The following PTCHD1 variants were observed in gnomAD, a reference collection of about 807,000 sequenced individuals.
PTCHD1 encodes patched domain-containing protein 1.
PTCHD1 carries 3 observed loss-of-function variants against 34.6 expected under a neutral mutation model. The observed-to-expected ratio is 0.09, with a 90% confidence interval of 0.04 to 0.22. The LOEUF is 0.22. PTCHD1 is among the 10% of genes least tolerant of loss of function. The pLI is 1.00. For synonymous variants in PTCHD1, 305 were observed against 283.1 expected, an observed-to-expected ratio of 1.08 and a Z score of -0.77; for missense variants, 504 against 685.5, an observed-to-expected ratio of 0.74 and a Z score of 2.96.
chrX:23,353,521 G>A (rs1290192870), intron 1 of PTCHD1, among the ~76,000 whole-genome samples: 2 of 112,287 alleles, frequency 1.8e-5, no homozygotes, highest in African/African-American at 3.2e-5. Flanking sequence ...CTCAGGAGGC[G>A]GAGGTTGCGG....
At chrX:23,370,692 T>G (rs1303250209) in intron 1 of PTCHD1, among the ~76,000 whole-genome samples, 1 of 111,962 alleles carries the variant, frequency 8.9e-6, no homozygotes, top group Non-Finnish European at 1.9e-5. Flanking sequence ...ATTAGAAACA[T>G]AGCAAATCCT....
upstream of PTCHD1, chrX:23,334,771 C>A: frequency 4.6e-6 from 1 of 219,718 alleles, no homozygotes; most frequent in Non-Finnish European, 6.4e-6. Context: ...GCCGTCGCCG[C>A]CGCCGCGGGC....
chrX:23,388,447 G>T (rs1260708698), intron 2 of PTCHD1, among the ~76,000 whole-genome samples: 1 of 112,388 alleles, frequency 8.9e-6, no homozygotes, highest in East Asian at 2.8e-4. Context: ...CCTCTGAAAA[G>T]TATCTTCAGT....
At chrX:23,365,485 C>T (rs5970714) in intron 1 of PTCHD1, among the ~76,000 whole-genome samples, 2 of 108,739 alleles carry the variant, frequency 1.8e-5, no homozygotes, top group Admixed American at 2.0e-4. Flanking sequence ...GCAAACAGAA[C>T]GGAGCAGAGG....
chrX:23,350,059 T>C (rs1921584267), intron 1 of PTCHD1, among the ~76,000 whole-genome samples: 3 of 51,476 alleles, frequency 5.8e-5, no homozygotes, highest in Admixed American at 5.7e-4. Flanking sequence ...TTTAGTGCTG[T>C]TAAAAAAAAA....
At position 23,392,964 on chromosome X, in the gene PTCHD1, A is replaced by G; in HGVS notation, c.1446A>G (p.Leu482=). ...GEEANTYESH[L]LVCFLKRYYC... ...AAGCGAACACTTACGAGAGTCACCT[A>G]TTGGTATGTTTCCTCAAACGCTATT... The change falls in exon 3 of 3, where the codon CTA becomes CTG. Residue 482 remains leucine (L), a synonymous_variant. Coordinates refer to ENST00000379361, the MANE Select transcript of PTCHD1 (RefSeq NM_173495.3). 8.3e-7 allele frequency: 1 copy of G among 1,211,885 alleles called. No homozygotes were observed. The highest frequency in any genetic ancestry group is 1.8e-5 in the South Asian group (1 of 56,991).
rs866187520 is a variant in PTCHD1, at chrX:23,347,309, T to A, written c.351+12083T>A. Among the ~76,000 whole-genome samples the A allele has an allele frequency of 3.6e-5, 4 of 112,172 alleles. No homozygotes were observed. The South Asian group carries it at 1.5e-3, about 42-fold the overall frequency. On this transcript the variant is annotated intron_variant, in intron 1 of 2. Transcript: ENST00000379361. ...TTCATTGGAAGATTATATAGCAATT[T>A]CCCCTTACCACACTTTACTACCACA...
rs969176888 is a variant in PTCHD1 at position 23,380,075 on chromosome X, T to C, written c.836T>C (p.Val279Ala). 4 of 1,210,241 alleles carry C rather than the reference T, an allele frequency of 3.3e-6. No individual in the cohort carries two copies. The African/African-American group carries it at 5.2e-5, about 16-fold the overall frequency. The change falls in exon 2 of 3, where the codon GTG becomes GCG. Residue 279 changes from valine to alanine, a missense_variant. Transcript: ENST00000379361. ...TACCTGGTCACCAGCCTGATTCTGGTGGTTACCATGGCCATCCTGTGTTGC... is the reference window on the plus strand; with the variant it reads ...TACCTGGTCACCAGCCTGATTCTGGCGGTTACCATGGCCATCCTGTGTTGC... ...ERYLVTSLIL[V>A]VTMAILCCSM...
intron 2 of PTCHD1, among the ~76,000 whole-genome samples, chrX:23,386,196 G>T (rs1250760378): frequency 9.0e-6 from 1 of 111,376 alleles, no homozygotes; most frequent in Non-Finnish European, 1.9e-5. Context: ...TATACACACT[G>T]GTCTTATATA....
intron 2 of PTCHD1, among the ~76,000 whole-genome samples, chrX:23,381,589 G>T (rs904854914): frequency 8.9e-6 from 1 of 111,901 alleles, no homozygotes; most frequent in Non-Finnish European, 1.9e-5. Context: ...AGCGGGGCTG[G>T]TGGGGCTGCA....
chrX:23,374,277 A>G (rs1343145345), intron 1 of PTCHD1, among the ~76,000 whole-genome samples: 6 of 64,695 alleles, frequency 9.3e-5, no homozygotes, highest in South Asian at 8.7e-4. Flanking sequence ...CAAGAAACAA[A>G]TACAAAAAAA....
chrX:23,335,490 A>G (rs1921144340), intron 1 of PTCHD1, among the ~76,000 whole-genome samples: 1 of 113,177 alleles, frequency 8.8e-6, no homozygotes, highest in East Asian at 2.8e-4. Flanking sequence ...GGCGGCGGCC[A>G]CAGTGCTGTG....
chrX:23,379,060 C>T, intron 1 of PTCHD1, among the ~76,000 whole-genome samples: 1 of 111,903 alleles, frequency 8.9e-6, no homozygotes, highest in East Asian at 2.8e-4. Context: ...TTTAGTTGCC[C>T]TGCAAATCGG....
At chrX:23,352,651 A>C (rs2141242) in intron 1 of PTCHD1, among the ~76,000 whole-genome samples, 52,198 of 110,036 alleles carry the variant, frequency 0.47, 9,787 homozygotes, top group South Asian at 0.69. Flanking sequence ...ATTTCATCAC[A>C]TATCTCAGTG....
chrX:23,358,170 AC>A (rs1374507435), intron 1 of PTCHD1, among the ~76,000 whole-genome samples: 1 of 111,908 alleles, frequency 8.9e-6, no homozygotes. Context: ...TTGGGTATAT[AC>A]CCAGGAATGA....
chrX:23,364,377 C>G (rs1473429714), intron 1 of PTCHD1, among the ~76,000 whole-genome samples: 4 of 73,500 alleles, frequency 5.4e-5, no homozygotes, highest in African/African-American at 1.8e-4. Context: ...TGTAGACACA[C>G]ACACACACAC....
intron 1 of PTCHD1, among the ~76,000 whole-genome samples, chrX:23,367,465 A>C (rs1279300165): frequency 1.8e-5 from 2 of 112,006 alleles, no homozygotes; most frequent in Non-Finnish European, 3.8e-5. Flanking sequence ...CGGGCTGGGC[A>C]TATCACTTCC....
intron 1 of PTCHD1, among the ~76,000 whole-genome samples, chrX:23,375,284 A>ATT (rs1467967599): frequency 2.1e-5 from 2 of 93,583 alleles, no homozygotes; most frequent in African/African-American, 9.1e-5. Flanking sequence ...TGGGCTGACA[A>ATT]TTCTTTTTTT....
At chrX:23,342,284 ATATATATATATATATATATATATATATT>A (rs1921338678) in intron 1 of PTCHD1, among the ~76,000 whole-genome samples, 4 of 5,329 alleles carry the variant, frequency 7.5e-4, no homozygotes, top group Admixed American at 4.3e-3. Flanking sequence ...ATATATATAT[ATATATATATATATATATATATATATATT>A]TTTTTTTTTT....
Sources: gnomAD v4.1 joint callset for allele counts (sites outside exome capture counted in the v4.1 genomes callset) on GRCh38, gnomAD v4.1.1 for gene constraint, MANE v1.5 for transcripts, NCBI Gene and HGNC (gene_info 2026-07-23, HGNC 2026-07-21) for gene names.